KCNQ1OT1: variants seen among roughly 807,000 people sequenced by gnomAD.
KCNQ1OT1 encodes KCNQ1 antisense RNA 2 (non-protein coding).
chr11:2,692,443 G>A (rs1850604826), exon 1 of KCNQ1OT1: 1 of 398,578 alleles, frequency 2.5e-6, no homozygotes, highest in Non-Finnish European at 4.4e-6. Context: ...TTAGAGACCT[G>A]TGGGTCTTGC....
At chr11:2,696,436 C>T (rs1850677589) in exon 1 of KCNQ1OT1, 1 of 398,700 alleles carries the variant, frequency 2.5e-6, no homozygotes, top group Non-Finnish European at 4.4e-6. Context: ...GAGCTCTCTT[C>T]TGGGCCTCTG....
chr11:2,629,760 T>C (rs951832235), exon 1 of KCNQ1OT1: 1 of 398,436 alleles, frequency 2.5e-6, no homozygotes, highest in African/African-American at 2.1e-5. Flanking sequence ...AAATGACTTC[T>C]GAATGCTGAT....
chr11:2,628,896 G>C (rs1446111446), exon 1 of KCNQ1OT1: 2 of 397,948 alleles, frequency 5.0e-6, no homozygotes, highest in Admixed American at 4.4e-5. Context: ...GTGTACTCTT[G>C]GTGTCTTTGT....
chr11:2,642,761 T>C lies in KCNQ1OT1; in HGVS notation n.57234A>G. ...TTCCTTCAGGTGTATCATTAGATTA[T>C]TTAAGATCTTTTCTACCTTTTTTAA... is the stretch of plus-strand genomic sequence containing the variant. On this transcript the variant is annotated non_coding_transcript_exon_variant, in exon 1 of 1. Transcript: ENST00000597346. This position sits in a 1 kb window ranked among gnomAD's most constrained non-coding sequence, Gnocchi z 4.3. 1 of 397,890 alleles carries C rather than the reference T, an allele frequency of 2.5e-6. No individual in the cohort carries two copies. Among genetic ancestry groups the C allele is most frequent in the Non-Finnish European group, 4.4e-6 (1 of 225,648 alleles). The allele number at this position is 397,890 out of a possible 1,614,324, so 24.6% of individuals were successfully genotyped here.
rs1451059729 is a variant in KCNQ1OT1 at position 2,683,831 on chromosome 11, T to C, written n.16164A>G. The stretch of plus-strand genomic sequence containing the variant: ...GCCACTAGCTTGCAGAATGGCTTTG[T>C]TGGATTCCCCTCCCTGGCCCCACAC... On this transcript the variant is annotated non_coding_transcript_exon_variant, in exon 1 of 1. Transcript: ENST00000597346. This position sits in a 1 kb window ranked among gnomAD's most constrained non-coding sequence, Gnocchi z 4.7. 5.0e-6 allele frequency: 2 copies of C among 398,562 alleles called. No homozygotes were observed. Among genetic ancestry groups the C allele is most frequent in the Admixed American group, 4.4e-5 (1 of 22,708 alleles). 24.7% of individuals were successfully genotyped at this position (398,562 alleles called of 1,614,324 possible). A position where few individuals can be genotyped will look rare whatever the true frequency, so the allele number is the denominator to read the frequency against.
Position 2,621,360 on chromosome 11 carries a change from A to T in KCNQ1OT1, n.78635T>A, listed in dbSNP as rs927323934. 2.5e-6 allele frequency: 1 copy of T among 398,430 alleles called. No homozygotes were observed. The highest frequency in any genetic ancestry group is 4.4e-5 in the Admixed American group (1 of 22,696). The allele number at this position is 398,430 out of a possible 1,614,324, so 24.7% of individuals were successfully genotyped here. On this transcript the variant is annotated non_coding_transcript_exon_variant, in exon 1 of 1. Coordinates refer to ENST00000597346, the Ensembl canonical transcript of KCNQ1OT1. The surrounding 1 kb of genome is among the most constrained non-coding windows in gnomAD (Gnocchi z 5.7). ...TTCTGTATTTTCTTTTAAGAAATGT[A>T]TGTTCCTGTCCTTTGCCAATTCAAT...
At chr11:2,633,913 A>G (rs1390779791) in exon 1 of KCNQ1OT1, 1 of 398,498 alleles carries the variant, frequency 2.5e-6, no homozygotes, top group African/African-American at 2.1e-5. Context: ...TGAATATTGC[A>G]TTCTATCCTT....
exon 1 of KCNQ1OT1, chr11:2,622,745 G>T (rs1232641117): frequency 7.5e-6 from 3 of 398,402 alleles, no homozygotes; most frequent in Non-Finnish European, 1.3e-5. Context: ...GCAGTTTTAG[G>T]GTTCCAGCAA....
At chr11:2,634,277 G>C (rs1285292143) in exon 1 of KCNQ1OT1, 2 of 362,876 alleles carry the variant, frequency 5.5e-6, no homozygotes, top group Non-Finnish European at 9.8e-6. Flanking sequence ...TGATTACCTT[G>C]TCATTTACCT....
exon 1 of KCNQ1OT1, chr11:2,648,935 C>G (rs1198396459): frequency 1.0e-5 from 4 of 395,120 alleles, no homozygotes; most frequent in African/African-American, 2.1e-5. Context: ...CTGAATTGAT[C>G]CATTTATAAT....
rs112399237 is a variant in KCNQ1OT1 at position 2,633,921 on chromosome 11, C to A, written n.66074G>T. 43 of 398,550 alleles carry A rather than the reference C, an allele frequency of 1.1e-4. 1 individual carries two copies. The highest frequency in any genetic ancestry group is 7.0e-4 in the African/African-American group (34 of 48,742). 24.7% of individuals were successfully genotyped at this position (398,550 alleles called of 1,614,324 possible). ...ACTTTTGTGAATATTGCATTCTATCCTTGTTAGATTATGGGGAAAATCCAC... is the reference window on the plus strand; with the variant it reads ...ACTTTTGTGAATATTGCATTCTATCATTGTTAGATTATGGGGAAAATCCAC... On this transcript the variant is annotated non_coding_transcript_exon_variant, in exon 1 of 1. Coordinates refer to ENST00000597346, the Ensembl canonical transcript of KCNQ1OT1.
chr11:2,665,371 A>G lies in KCNQ1OT1; in HGVS notation n.34624T>C, dbSNP rs1048449968. On this transcript the variant is annotated non_coding_transcript_exon_variant, in exon 1 of 1. Coordinates refer to ENST00000597346, the Ensembl canonical transcript of KCNQ1OT1. Reference sequence around the variant, plus strand: ...GCAGTTGGGGAGCACCCCCATGACAAGAGGAGCCCTGTACCCCAAGAGCCA... The same window carrying G: ...GCAGTTGGGGAGCACCCCCATGACAGGAGGAGCCCTGTACCCCAAGAGCCA... 15 of 398,026 alleles carry G rather than the reference A, an allele frequency of 3.8e-5. No individual in the cohort carries two copies. Among genetic ancestry groups the G allele is most frequent in the Non-Finnish European group, 5.8e-5 (13 of 226,022 alleles). The allele number at this position is 398,026 out of a possible 1,614,324, so 24.7% of individuals were successfully genotyped here.
chr11:2,627,237 T>C lies in KCNQ1OT1; in HGVS notation n.72758A>G, dbSNP rs1849275594. 5.0e-6 allele frequency: 2 copies of C among 398,444 alleles called. No homozygotes were observed. The highest frequency in any genetic ancestry group is 2.5e-4 in the South Asian group (2 of 7,856). 24.7% of individuals were successfully genotyped at this position (398,444 alleles called of 1,614,324 possible). On this transcript the variant is annotated non_coding_transcript_exon_variant, in exon 1 of 1. Transcript: ENST00000597346. The surrounding 1 kb of genome is among the most constrained non-coding windows in gnomAD (Gnocchi z 4.9). Reference sequence around the variant, plus strand: ...AAAAGTGCATATATTTAAGAACATATTTGACCTACTGTGAAATGATTACTA... The same window carrying C: ...AAAAGTGCATATATTTAAGAACATACTTGACCTACTGTGAAATGATTACTA...
exon 1 of KCNQ1OT1, chr11:2,616,565 A>C (rs1384786504): frequency 2.8e-5 from 11 of 397,962 alleles, no homozygotes. Context: ...ACTACATCCC[A>C]TAAGTCTGAG....
In KCNQ1OT1 at chr11:2,668,129, C is replaced by T. The variant is rs979988833; in HGVS notation, n.31866G>A. ...CACTCAATTTGATGTCTGGCAGCCT[C>T]TCTATGGGGCTGAAGGGAGAGTGCT... On this transcript the variant is annotated non_coding_transcript_exon_variant, in exon 1 of 1. Coordinates refer to ENST00000597346, the Ensembl canonical transcript of KCNQ1OT1. The surrounding 1 kb of genome is among the most constrained non-coding windows in gnomAD (Gnocchi z 4.3). 1 of 398,514 alleles carries T rather than the reference C, an allele frequency of 2.5e-6. No individual in the cohort carries two copies. Among genetic ancestry groups the T allele is most frequent in the Non-Finnish European group, 4.4e-6 (1 of 226,088 alleles). The allele number at this position is 398,514 out of a possible 1,614,324, so 24.7% of individuals were successfully genotyped here.
rs1307632689 is a variant in KCNQ1OT1, at chr11:2,679,809, AG to A, written n.20185del. 1.5e-5 allele frequency: 6 copies of A among 398,506 alleles called. No homozygotes were observed. Among genetic ancestry groups the A allele is most frequent in the African/African-American group, 1.2e-4 (6 of 48,612 alleles). The allele number at this position is 398,506 out of a possible 1,614,324, so 24.7% of individuals were successfully genotyped here. The stretch of plus-strand genomic sequence containing the variant: ...GCCAGTTGAGGGCTAGAGGAGCACA[AG>A]GGGCCAGACTGCTGCTACTTCTGAA... On this transcript the variant is annotated non_coding_transcript_exon_variant, in exon 1 of 1. Coordinates refer to ENST00000597346, the Ensembl canonical transcript of KCNQ1OT1. This position sits in a 1 kb window ranked among gnomAD's most constrained non-coding sequence, Gnocchi z 4.8.
At position 2,621,396 on chromosome 11, in the gene KCNQ1OT1, G is replaced by A. The variant is rs571868093; in HGVS notation, n.78599C>T. On this transcript the variant is annotated non_coding_transcript_exon_variant, in exon 1 of 1. Transcript: ENST00000597346. The surrounding 1 kb of genome is among the most constrained non-coding windows in gnomAD (Gnocchi z 5.7). Reference sequence around the variant, plus strand: ...CTTTGCCAATTCAATTGGATTATTCGTTTTTTGCTTGTTGATTGGTTTAAG... The same window carrying A: ...CTTTGCCAATTCAATTGGATTATTCATTTTTTGCTTGTTGATTGGTTTAAG... 34 of 398,568 alleles carry A rather than the reference G, an allele frequency of 8.5e-5. No individual in the cohort carries two copies. In the South Asian group the frequency reaches 1.1e-3, roughly 13 times the overall value. The allele number at this position is 398,568 out of a possible 1,614,324, so 24.7% of individuals were successfully genotyped here. A position where few individuals can be genotyped will look rare whatever the true frequency, so the allele number is the denominator to read the frequency against.
Position 2,695,989 on chromosome 11 carries a change from A to C in KCNQ1OT1, n.4006T>G. ...TGTTTCAAATATCTTGTAATGAGTC[A>C]TGGCAAAGTTACATTCATGAGTGTA... On this transcript the variant is annotated non_coding_transcript_exon_variant, in exon 1 of 1. Coordinates refer to ENST00000597346, the Ensembl canonical transcript of KCNQ1OT1. This position sits in a 1 kb window ranked among gnomAD's most constrained non-coding sequence, Gnocchi z 5.2. 1 of 398,612 alleles carries C rather than the reference A, an allele frequency of 2.5e-6. No homozygotes were observed. Among genetic ancestry groups the C allele is most frequent in the Non-Finnish European group, 4.4e-6 (1 of 226,062 alleles). The allele number at this position is 398,612 out of a possible 1,614,324, so 24.7% of individuals were successfully genotyped here.
exon 1 of KCNQ1OT1, chr11:2,628,326 A>G (rs948036659): frequency 2.5e-5 from 10 of 398,452 alleles, no homozygotes; most frequent in African/African-American, 1.9e-4. Context: ...GATAATAGCG[A>G]TTCTAACAGT....
Sources: gnomAD v4.1 joint callset for allele counts on GRCh38, gnomAD v4.1.1 for gene constraint, Gnocchi (gnomAD v3.1) non-coding constraint, MANE v1.5 for transcripts, NCBI Gene and HGNC (gene_info 2026-07-23, HGNC 2026-07-21) for gene names.